SPATA6: variants seen among roughly 807,000 people sequenced by gnomAD.
The protein encoded by SPATA6 is spermatogenesis associated 6, also known as spermatogenesis-associated protein 6.
A neutral mutation model predicts 65.3 loss-of-function variants in SPATA6; 56 were observed. The ratio of observed to expected loss-of-function variants is 0.86; its 90% CI spans 0.69 to 1.07. SPATA6 has a LOEUF of 1.07. Ranked by LOEUF, SPATA6 falls within the 50% of genes least tolerant of loss-of-function variation. SPATA6 has a pLI of 0.00. For synonymous variants in SPATA6, 199 were observed against 213.2 expected (o/e 0.93, Z 0.58); for missense variants, 590 against 594.8 (o/e 0.99, Z 0.08).
In SPATA6 at chr1:48,365,347, C is replaced by T. The variant is rs535007336; in HGVS notation, c.910-5577G>A. 3.3e-5 allele frequency among the ~76,000 whole-genome samples: 5 copies of T among 152,182 alleles called. No homozygotes were observed. In the South Asian group the frequency reaches 6.2e-4, roughly 19 times the overall value. On this transcript the variant is annotated intron_variant, in intron 9 of 12. Coordinates refer to ENST00000371847, the MANE Select transcript of SPATA6 (RefSeq NM_019073.4). ...CCAATTCTATGAAGAAAGTCATTAG[C>T]AGCTTGATGGGGGTGGCATTGAATC...
intron 12 of SPATA6, among the ~76,000 whole-genome samples, chr1:48,305,459 T>C (rs1645037826): frequency 6.6e-6 from 1 of 152,108 alleles, no homozygotes; most frequent in South Asian, 2.1e-4. Flanking sequence ...CTTACAGAAT[T>C]TGATCTCAAA....
At chr1:48,303,932 C>G in intron 12 of SPATA6, among the ~76,000 whole-genome samples, 1 of 152,102 alleles carries the variant, frequency 6.6e-6, no homozygotes, top group Non-Finnish European at 1.5e-5. Context: ...GAGGTTCATG[C>G]GAACTTCTTC....
intron 9 of SPATA6, among the ~76,000 whole-genome samples, chr1:48,369,788 CTGCACCCACTGTCT>C (rs1647178391): frequency 6.6e-6 from 1 of 152,182 alleles, no homozygotes; most frequent in Admixed American, 6.5e-5. Flanking sequence ...ACCCACTGTC[CTGCACCCACTGTCT>C]GGCACTCTCT....
intron 11 of SPATA6, among the ~76,000 whole-genome samples, chr1:48,353,415 A>C (rs781248425): frequency 6.6e-6 from 1 of 151,658 alleles, no homozygotes; most frequent in Non-Finnish European, 1.5e-5. Flanking sequence ...CTACATAAAA[A>C]TACTACATTT....
At chr1:48,317,146 A>C (rs1217080150) in intron 11 of SPATA6, among the ~76,000 whole-genome samples, 1 of 152,218 alleles carries the variant, frequency 6.6e-6, no homozygotes, top group African/African-American at 2.4e-5. Context: ...TAGAACTAGA[A>C]ATACCATTTG....
At chr1:48,354,835 T>G (rs1367477795) in intron 11 of SPATA6, among the ~76,000 whole-genome samples, 1 of 152,138 alleles carries the variant, frequency 6.6e-6, no homozygotes, top group Admixed American at 6.6e-5. Context: ...CTTGATCTGG[T>G]AGGTAGTTTA....
intron 8 of SPATA6, among the ~76,000 whole-genome samples, chr1:48,388,812 G>A (rs370107355): frequency 7.9e-5 from 12 of 151,874 alleles, no homozygotes; most frequent in East Asian, 5.8e-4. Context: ...GGGTTCAAGC[G>A]CTTCTCCTGC....
At chr1:48,380,800 CTAAGT>C (rs145076110) in intron 9 of SPATA6, among the ~76,000 whole-genome samples, 3,718 of 152,178 alleles carry the variant, frequency 0.024, 95 homozygotes, top group African/African-American at 0.066. Flanking sequence ...TGAGACTGGA[CTAAGT>C]TAATTATTCC....
intron 3 of SPATA6, among the ~76,000 whole-genome samples, chr1:48,428,400 C>A (rs757972245): frequency 6.6e-6 from 1 of 152,156 alleles, no homozygotes; most frequent in Non-Finnish European, 1.5e-5. Flanking sequence ...TTGCGGTGAG[C>A]TGAGATCATG....
chr1:48,358,011 C>T (rs1036088952), intron 10 of SPATA6, among the ~76,000 whole-genome samples: 1 of 152,106 alleles, frequency 6.6e-6, no homozygotes, highest in Admixed American at 6.6e-5. Context: ...ATTAGAATCA[C>T]TCATTTTCTT....
chr1:48,416,172 A>G (rs1215758139), intron 3 of SPATA6, among the ~76,000 whole-genome samples: 1 of 152,182 alleles, frequency 6.6e-6, no homozygotes, highest in Non-Finnish European at 1.5e-5. Flanking sequence ...CCTGCACTCC[A>G]GCCTGGGTGA....
At chr1:48,419,602 C>A (rs1271623847) in intron 3 of SPATA6, among the ~76,000 whole-genome samples, 1 of 152,106 alleles carries the variant, frequency 6.6e-6, no homozygotes, top group South Asian at 2.1e-4. Flanking sequence ...TTAAACAGAA[C>A]AGAGAAACCT....
the SPATA6 span, among the ~76,000 whole-genome samples, chr1:48,270,048 C>T: frequency 2.0e-5 from 3 of 151,742 alleles, no homozygotes; most frequent in Non-Finnish European, 2.9e-5. Flanking sequence ...TATGATATAC[C>T]AAAAAAAGCT....
chr1:48,306,911 T>C (rs1238740131), intron 11 of SPATA6, among the ~76,000 whole-genome samples: 1 of 151,940 alleles, frequency 6.6e-6, no homozygotes, highest in Non-Finnish European at 1.5e-5. Context: ...ACTGCTTTTT[T>C]TTCCCTTAAC....
chr1:48,348,365 C>T (rs1384814278), intron 11 of SPATA6, among the ~76,000 whole-genome samples: 2 of 151,976 alleles, frequency 1.3e-5, no homozygotes, highest in Non-Finnish European at 2.9e-5. Context: ...TCAGTATGGA[C>T]TCTTGGATAT....
chr1:48,400,376 T>G (rs1239034415), intron 6 of SPATA6, among the ~76,000 whole-genome samples: 3 of 151,994 alleles, frequency 2.0e-5, no homozygotes, highest in Non-Finnish European at 2.9e-5. Context: ...TAAAATTTAA[T>G]AATTCTAACT....
the SPATA6 span, among the ~76,000 whole-genome samples, chr1:48,285,919 G>A: frequency 1.3e-5 from 2 of 152,040 alleles, no homozygotes; most frequent in African/African-American, 4.8e-5. Context: ...ATCTTTTTTT[G>A]AGGAGACTAT....
the SPATA6 span, among the ~76,000 whole-genome samples, chr1:48,279,826 G>C: frequency 1.3e-5 from 2 of 152,276 alleles, no homozygotes; most frequent in Non-Finnish European, 2.9e-5. Flanking sequence ...TCTGCACCAA[G>C]TGGACCTAAT....
chr1:48,355,015 C>A (rs1047339938), intron 11 of SPATA6, among the ~76,000 whole-genome samples: 3 of 151,994 alleles, frequency 2.0e-5, no homozygotes, highest in Admixed American at 6.6e-5. Flanking sequence ...CTTATACCCC[C>A]CCAAGACTAA....
Sources: gnomAD v4.1 joint callset for allele counts (sites outside exome capture counted in the v4.1 genomes callset) on GRCh38, gnomAD v4.1.1 for gene constraint, MANE v1.5 for transcripts, NCBI Gene and HGNC (gene_info 2026-07-23, HGNC 2026-07-21) for gene names.